Variants in CNTNAP2 observed in about 807,000 individuals in gnomAD.
CNTNAP2 encodes the protein contactin associated protein 2, also known as contactin-associated protein-like 2.
Under a neutral mutation model 155.2 loss-of-function variants are expected in CNTNAP2, and 98 were observed. The observed-to-expected ratio is 0.63, with a 90% confidence interval of 0.54 to 0.75. CNTNAP2 has a LOEUF of 0.75. Among genes scored for constraint, CNTNAP2 ranks in the 30% least tolerant of loss-of-function variants. The pLI is 0.00. For missense variants in CNTNAP2, 1,727 were observed against 1,688.1 expected, an observed-to-expected ratio of 1.02 and a Z score of -0.40; for synonymous variants, 651 against 631.2, an observed-to-expected ratio of 1.03 and a Z score of -0.47.
At chr7:147,337,450 T>A (rs886469800) in intron 9 of CNTNAP2, among the ~76,000 whole-genome samples, 1 of 152,184 alleles carries the variant, frequency 6.6e-6, no homozygotes, top group African/African-American at 2.4e-5. Flanking sequence ...GCATTTCCAA[T>A]GTATTCTACA....
At chr7:146,126,664 A>G (rs187106048) in intron 1 of CNTNAP2, among the ~76,000 whole-genome samples, 71 of 152,368 alleles carry the variant, frequency 4.7e-4, no homozygotes, top group African/African-American at 1.6e-3. Context: ...TGCTATTACT[A>G]AAGTTAAAAG....
intron 21 of CNTNAP2, among the ~76,000 whole-genome samples, chr7:148,279,117 A>G (rs895028337): frequency 2.0e-4 from 31 of 152,250 alleles, no homozygotes; most frequent in African/African-American, 7.0e-4. Context: ...ATTCTAAATG[A>G]GATGAGAAAC....
intron 8 of CNTNAP2, among the ~76,000 whole-genome samples, chr7:147,273,139 A>G (rs1804797921): frequency 1.3e-5 from 2 of 152,150 alleles, no homozygotes; most frequent in African/African-American, 4.8e-5. Flanking sequence ...AGCCTGCAGA[A>G]GCCCCCAGCA....
At chr7:146,242,336 T>C (rs1010260934) in intron 1 of CNTNAP2, among the ~76,000 whole-genome samples, 1 of 151,998 alleles carries the variant, frequency 6.6e-6, no homozygotes, top group African/African-American at 2.4e-5. Context: ...TCAGGAGTTC[T>C]AGACCAGCCT....
At chr7:147,129,252 T>A (rs1234914089) in intron 7 of CNTNAP2, among the ~76,000 whole-genome samples, 2 of 152,204 alleles carry the variant, frequency 1.3e-5, no homozygotes, top group African/African-American at 4.8e-5. Flanking sequence ...TTATATTTAC[T>A]CCTGTGCTTC....
intron 13 of CNTNAP2, among the ~76,000 whole-genome samples, chr7:147,786,808 A>T (rs1464614340): frequency 6.6e-6 from 1 of 152,160 alleles, no homozygotes; most frequent in African/African-American, 2.4e-5. Flanking sequence ...ATCTATACAT[A>T]AAATTTAAAA....
chr7:146,361,284 G>A (rs1285241512), intron 1 of CNTNAP2, among the ~76,000 whole-genome samples: 1 of 152,098 alleles, frequency 6.6e-6, no homozygotes, highest in African/African-American at 2.4e-5. Flanking sequence ...CATATTCAGA[G>A]GGCATACTTT....
intron 1 of CNTNAP2, among the ~76,000 whole-genome samples, chr7:146,441,362 A>T (rs1159248342): frequency 6.6e-6 from 1 of 151,424 alleles, no homozygotes; most frequent in Non-Finnish European, 1.5e-5. Context: ...ATTCATATGC[A>T]AGTTGTCCTC....
At chr7:146,407,538 C>T (rs921614364) in intron 1 of CNTNAP2, among the ~76,000 whole-genome samples, 30 of 152,222 alleles carry the variant, frequency 2.0e-4, no homozygotes, top group African/African-American at 3.4e-4. Flanking sequence ...GCCACGGCTA[C>T]GCAAGCTTTG....
chr7:146,513,089 C>T (rs965472797), intron 1 of CNTNAP2, among the ~76,000 whole-genome samples: 1 of 151,720 alleles, frequency 6.6e-6, no homozygotes, highest in Non-Finnish European at 1.5e-5. Context: ...CTATTTTTAT[C>T]TGATATAAGT....
At chr7:147,287,745 A>G (rs111249919) in intron 8 of CNTNAP2, among the ~76,000 whole-genome samples, 7 of 151,940 alleles carry the variant, frequency 4.6e-5, no homozygotes, top group African/African-American at 1.7e-4. Flanking sequence ...TCCCTCCCCC[A>G]GTCTCTCATT....
chr7:148,049,128 T>C (rs1274517615), intron 15 of CNTNAP2, among the ~76,000 whole-genome samples: 1 of 152,056 alleles, frequency 6.6e-6, no homozygotes, highest in Non-Finnish European at 1.5e-5. Context: ...GGCAGAAGAA[T>C]CACTTGAACC....
rs187762958 is a variant in CNTNAP2, at chr7:147,064,274, A to G, written c.550+20220A>G. On this transcript the variant is annotated intron_variant, in intron 4 of 23. Transcript: ENST00000361727. ...TAAAACTCCAATGTCAACTTAATTG[A>G]TATATCAGAATTCTTATGACAAATA... Among the ~76,000 whole-genome samples the G allele has an allele frequency of 1.3e-3, 191 of 152,286 alleles. 3 individuals are homozygous for G. Among genetic ancestry groups the G allele is most frequent in the African/African-American group, 4.0e-3 (167 of 41,568 alleles).
At chr7:146,700,933 A>G (rs6980130) in intron 1 of CNTNAP2, among the ~76,000 whole-genome samples, 32,137 of 152,118 alleles carry the variant, frequency 0.21, 8,790 homozygotes, top group African/African-American at 0.64. Flanking sequence ...TCTGAGTAAA[A>G]GTTGAAAGAG....
intron 1 of CNTNAP2, among the ~76,000 whole-genome samples, chr7:146,125,715 A>C (rs1797626450): frequency 6.6e-6 from 1 of 152,132 alleles, no homozygotes; most frequent in Non-Finnish European, 1.5e-5. Flanking sequence ...CATAAACAAA[A>C]ACAACCTTAT....
intron 15 of CNTNAP2, among the ~76,000 whole-genome samples, chr7:148,094,245 T>C (rs1377061976): frequency 2.0e-5 from 3 of 152,232 alleles, no homozygotes; most frequent in Non-Finnish European, 4.4e-5. Context: ...CATCTATTTT[T>C]TAATGTTTTG....
intron 1 of CNTNAP2, among the ~76,000 whole-genome samples, chr7:146,333,053 C>G (rs901174570): frequency 1.3e-5 from 2 of 148,582 alleles, no homozygotes; most frequent in African/African-American, 4.9e-5. Context: ...AAGTGATTCT[C>G]CTGCCTCAGC....
chr7:147,661,899 C>T (rs865925445), intron 13 of CNTNAP2, among the ~76,000 whole-genome samples: 13 of 152,052 alleles, frequency 8.5e-5, no homozygotes, highest in African/African-American at 2.7e-4. Context: ...TGCACCATGA[C>T]GTAGCCCTAC....
intron 13 of CNTNAP2, among the ~76,000 whole-genome samples, chr7:147,680,758 C>G (rs994547263): frequency 6.6e-6 from 1 of 151,788 alleles, no homozygotes; most frequent in Non-Finnish European, 1.5e-5. Context: ...CTCTCTCTCT[C>G]TCTGTCTCCC....
Sources: gnomAD v4.1 joint callset for allele counts (sites outside exome capture counted in the v4.1 genomes callset) on GRCh38, gnomAD v4.1.1 for gene constraint, MANE v1.5 for transcripts, NCBI Gene and HGNC (gene_info 2026-07-23, HGNC 2026-07-21) for gene names.